AMMECR1: variants seen among roughly 807,000 people sequenced by gnomAD.
The protein encoded by AMMECR1 is AMMECR nuclear protein 1, also known as nuclear protein AMMECR1.
A neutral mutation model predicts 22.5 loss-of-function variants in AMMECR1; 3 were observed. The observed-to-expected ratio is 0.13, with a 90% CI of 0.06 to 0.35. The LOEUF is 0.35. Among genes scored for constraint, AMMECR1 ranks in the 10% least tolerant of loss-of-function variants. The pLI is 1.00. For missense variants in AMMECR1, 235 were observed against 278.7 expected, an observed-to-expected ratio of 0.84 and a Z score of 1.12; for synonymous variants, 130 against 116.7, an observed-to-expected ratio of 1.11 and a Z score of -0.74.
intron 1 of AMMECR1, among the ~76,000 whole-genome samples, chrX:110,431,067 C>G (rs2068792666): frequency 1.8e-5 from 2 of 111,928 alleles, no homozygotes; most frequent in South Asian, 3.8e-4. Flanking sequence ...GTAATCCATT[C>G]CTTTGGCTGC....
intron 1 of AMMECR1, among the ~76,000 whole-genome samples, chrX:110,297,127 C>A (rs149098019): frequency 9.0e-6 from 1 of 111,389 alleles, no homozygotes. Context: ...CAGCTAATGA[C>A]CGACATATTT....
intron 2 of AMMECR1, among the ~76,000 whole-genome samples, chrX:110,395,570 A>G (rs1265281133): frequency 8.9e-6 from 1 of 112,774 alleles, no homozygotes; most frequent in Admixed American, 9.3e-5. Flanking sequence ...TCAAAGTCAC[A>G]TTGATAGTAA....
At chrX:110,371,370 C>T (rs779916993) in intron 2 of AMMECR1, among the ~76,000 whole-genome samples, 1 of 111,759 alleles carries the variant, frequency 8.9e-6, no homozygotes, top group Non-Finnish European at 1.9e-5. Flanking sequence ...GTATCCATAC[C>T]CTCAAGCATT....
intron 1 of AMMECR1, among the ~76,000 whole-genome samples, chrX:110,286,270 C>T (rs1216301414): frequency 9.0e-6 from 1 of 111,302 alleles, no homozygotes; most frequent in African/African-American, 3.3e-5. Context: ...AGAACCCAAC[C>T]CCAGCATGAC....
At chrX:110,319,636 C>A (rs1180468261), upstream of AMMECR1, among the ~76,000 whole-genome samples, 1 of 111,866 alleles carries the variant, frequency 8.9e-6, no homozygotes, top group Non-Finnish European at 1.9e-5. Flanking sequence ...CTCGTCCTAC[C>A]CCATAATCCT....
At chrX:110,391,549 G>C (rs773588584) in intron 2 of AMMECR1, among the ~76,000 whole-genome samples, 145 of 111,761 alleles carry the variant, frequency 1.3e-3, no homozygotes, top group Non-Finnish European at 2.2e-3. Context: ...CCTACCTCTG[G>C]CTTTTGCTCA....
chrX:110,387,850 CCTCT>C (rs1317483103), intron 2 of AMMECR1, among the ~76,000 whole-genome samples: 1 of 104,560 alleles, frequency 9.6e-6, no homozygotes, highest in Non-Finnish European at 1.9e-5. Context: ...TCGTTATCTC[CCTCT>C]CTCTTTTTTT....
chrX:110,290,252 T>G (rs940325508), intron 1 of AMMECR1, among the ~76,000 whole-genome samples: 1 of 111,960 alleles, frequency 8.9e-6, no homozygotes, highest in Admixed American at 9.4e-5. Context: ...CTGTGAACAT[T>G]AGATCTAAAG....
Position 110,409,583 on chromosome X carries a change from T to A in AMMECR1, c.-148+17075A>T, listed in dbSNP as rs758284402. ...AATGCCCTCCATGCCCCCATTAGGA[T>A]CTCAGGCTGTCTTGGCCTTCAGGCA... On this transcript the variant is annotated intron_variant, in intron 2 of 7. Transcript: ENST00000372057. 3.6e-5 allele frequency among the ~76,000 whole-genome samples: 4 copies of A among 110,789 alleles called. No homozygotes were observed. The Admixed American group carries it at 3.8e-4, about 11-fold the overall frequency.
At chrX:110,207,794 C>T (rs2067428803) in intron 3 of AMMECR1, among the ~76,000 whole-genome samples, 1 of 111,557 alleles carries the variant, frequency 9.0e-6, no homozygotes, top group Admixed American at 9.5e-5. Flanking sequence ...TGTAAACATG[C>T]ATCTTTTTTT....
intron 2 of AMMECR1, among the ~76,000 whole-genome samples, chrX:110,352,428 T>A (rs1365167349): frequency 8.9e-6 from 1 of 112,137 alleles, no homozygotes; most frequent in Non-Finnish European, 1.9e-5. Flanking sequence ...CTATTCTAAA[T>A]GAAAGAAACT....
At chrX:110,387,101 G>A (rs1262826377) in intron 2 of AMMECR1, among the ~76,000 whole-genome samples, 4 of 111,895 alleles carry the variant, frequency 3.6e-5, no homozygotes, top group South Asian at 3.7e-4. Flanking sequence ...ATTAACTACC[G>A]CCATGCCTGT....
At chrX:110,311,947 T>G (rs1473162799) in intron 1 of AMMECR1, among the ~76,000 whole-genome samples, 2 of 112,300 alleles carry the variant, frequency 1.8e-5, no homozygotes, top group East Asian at 5.5e-4. Flanking sequence ...TGGGTTTTAC[T>G]GCTGGTCCTC....
chrX:110,304,638 C>A (rs988727132), intron 1 of AMMECR1, among the ~76,000 whole-genome samples: 3 of 112,075 alleles, frequency 2.7e-5, no homozygotes, highest in Non-Finnish European at 5.6e-5. Flanking sequence ...GGTTTCATGA[C>A]ATTCACAACA....
chrX:110,226,704 C>T (rs1019297220), intron 2 of AMMECR1, among the ~76,000 whole-genome samples: 1 of 111,924 alleles, frequency 8.9e-6, no homozygotes, highest in Admixed American at 9.4e-5. Context: ...TTTCATAGTA[C>T]CACTTTCAGA....
intron 2 of AMMECR1, among the ~76,000 whole-genome samples, chrX:110,369,161 T>C (rs1051285711): frequency 9.0e-6 from 1 of 110,797 alleles, no homozygotes; most frequent in African/African-American, 3.3e-5. Context: ...TGAAACCCCG[T>C]CTCTACTAAA....
At chrX:110,353,609 C>A (rs757050855) in intron 2 of AMMECR1, among the ~76,000 whole-genome samples, 1 of 109,412 alleles carries the variant, frequency 9.1e-6, no homozygotes, top group South Asian at 3.7e-4. Flanking sequence ...TCAATTTCCA[C>A]ATATTTATGA....
intron 2 of AMMECR1, among the ~76,000 whole-genome samples, chrX:110,399,362 G>C (rs930254353): frequency 6.2e-5 from 7 of 112,284 alleles, no homozygotes; most frequent in Non-Finnish European, 9.4e-5. Flanking sequence ...TTAAACCTAC[G>C]CTGGTCTGGC....
chrX:110,369,829 G>C (rs2068325048), intron 2 of AMMECR1, among the ~76,000 whole-genome samples: 1 of 111,328 alleles, frequency 9.0e-6, no homozygotes, highest in African/African-American at 3.3e-5. Flanking sequence ...AGCTACAGTT[G>C]TATCAGTATG....
Sources: gnomAD v4.1 joint callset for allele counts (sites outside exome capture counted in the v4.1 genomes callset) on GRCh38, gnomAD v4.1.1 for gene constraint, MANE v1.5 for transcripts, NCBI Gene and HGNC (gene_info 2026-07-23, HGNC 2026-07-21) for gene names.